Variants in GRIA4 observed in about 807,000 individuals in gnomAD.
GRIA4 encodes glutamate ionotropic receptor AMPA type subunit 4.
A neutral mutation model predicts 104.0 loss-of-function variants in GRIA4; 34 were observed. The observed-to-expected ratio is 0.33, with a 90% CI of 0.25 to 0.44. GRIA4 has a LOEUF of 0.44. GRIA4 is among the 20% of genes least tolerant of loss of function. The pLI is 1.00. For missense variants in GRIA4, 750 were observed against 1,096.5 expected (o/e 0.68, Z 4.46); for synonymous variants, 386 against 381.9 (o/e 1.01, Z -0.13).
rs180779092 is a variant in GRIA4 at position 105,672,924 on chromosome 11, A to G, written c.247+60490A>G. On this transcript the variant is annotated intron_variant, in intron 3 of 16. Coordinates refer to ENST00000282499, the MANE Select transcript of GRIA4 (RefSeq NM_000829.4). ...GTATTCATTTAAAATTTTATTTTTA[A>G]AATTTTATTTTTAGAATATGACACA... is the stretch of plus-strand genomic sequence containing the variant. Among the ~76,000 whole-genome samples the G allele has an allele frequency of 6.9e-3, 1,049 of 152,098 alleles. 4 individuals are homozygous for G. The highest frequency in any genetic ancestry group is 0.013 in the Non-Finnish European group (874 of 67,948).
chr11:105,876,932 A>T (rs1320927042), intron 5 of GRIA4, among the ~76,000 whole-genome samples: 1 of 152,188 alleles, frequency 6.6e-6, no homozygotes, highest in Non-Finnish European at 1.5e-5. Flanking sequence ...TAATATTGTT[A>T]CATGTGAATT....
intron 6 of GRIA4, among the ~76,000 whole-genome samples, chr11:105,888,271 C>T (rs1189149852): frequency 5.1e-4 from 28 of 54,546 alleles, no homozygotes; most frequent in Admixed American, 1.8e-3. Context: ...ATGTTTTCTC[C>T]TTTTTTTTTT....
chr11:105,773,878 A>T (rs1464781563), intron 4 of GRIA4, among the ~76,000 whole-genome samples: 1 of 152,018 alleles, frequency 6.6e-6, no homozygotes, highest in Admixed American at 6.6e-5. Flanking sequence ...AGGGCAAAAA[A>T]AAAAAAAGTA....
intron 3 of GRIA4, among the ~76,000 whole-genome samples, chr11:105,752,260 G>C (rs557097102): frequency 6.6e-6 from 1 of 152,178 alleles, no homozygotes; most frequent in Admixed American, 6.5e-5. Flanking sequence ...ACTTTATTTG[G>C]CTTGCTTCTG....
intron 3 of GRIA4, among the ~76,000 whole-genome samples, chr11:105,745,314 T>G (rs1426178267): frequency 6.6e-6 from 1 of 152,176 alleles, no homozygotes; most frequent in Non-Finnish European, 1.5e-5. Context: ...ACTCTAACCC[T>G]TCTTGGTAGC....
intron 3 of GRIA4, among the ~76,000 whole-genome samples, chr11:105,674,703 T>C (rs759610334): frequency 3.3e-5 from 5 of 151,888 alleles, no homozygotes; most frequent in Non-Finnish European, 7.4e-5. Flanking sequence ...CTACTGGGAA[T>C]TAAAAGTTTG....
chr11:105,765,510 GA>G (rs1565528854), intron 4 of GRIA4, among the ~76,000 whole-genome samples: 2 of 152,182 alleles, frequency 1.3e-5, no homozygotes, highest in Non-Finnish European at 2.9e-5. Flanking sequence ...ATGTGGAACG[GA>G]TGATGCTGAA....
chr11:105,643,696 A>T (rs1445601), intron 3 of GRIA4, among the ~76,000 whole-genome samples: 149,806 of 152,292 alleles, frequency 0.98, 73,726 homozygotes, highest in Middle Eastern at 1. Flanking sequence ...TCAGGTTTTT[A>T]AATTTTTTTT....
At chr11:105,947,017 T>G (rs983582509) in intron 14 of GRIA4, among the ~76,000 whole-genome samples, 1 of 152,220 alleles carries the variant, frequency 6.6e-6, no homozygotes, top group Non-Finnish European at 1.5e-5. Flanking sequence ...ACATTTTTGT[T>G]AGAGGTTATT....
chr11:105,819,277 A>G (rs1237016797), intron 4 of GRIA4, among the ~76,000 whole-genome samples: 1 of 152,136 alleles, frequency 6.6e-6, no homozygotes, highest in Non-Finnish European at 1.5e-5. Flanking sequence ...TCCTGGCTCT[A>G]ACTCTTACTA....
intron 5 of GRIA4, among the ~76,000 whole-genome samples, chr11:105,880,446 C>A (rs1270288075): frequency 6.6e-6 from 1 of 152,186 alleles, no homozygotes; most frequent in Admixed American, 6.5e-5. Flanking sequence ...AGCTGAATTT[C>A]AGCACTTGCT....
At chr11:105,730,076 G>C (rs1251137477) in intron 3 of GRIA4, among the ~76,000 whole-genome samples, 1 of 152,196 alleles carries the variant, frequency 6.6e-6, no homozygotes, top group African/African-American at 2.4e-5. Context: ...AATAGGAAGA[G>C]AGGAAGTCAA....
intron 9 of GRIA4, among the ~76,000 whole-genome samples, chr11:105,907,753 G>A (rs1392124673): frequency 6.6e-6 from 1 of 152,128 alleles, no homozygotes; most frequent in Non-Finnish European, 1.5e-5. Context: ...GAAAATTGAT[G>A]TGCATTTTTA....
At chr11:105,705,203 G>T (rs181493940) in intron 3 of GRIA4, among the ~76,000 whole-genome samples, 93 of 152,090 alleles carry the variant, frequency 6.1e-4, no homozygotes, top group Non-Finnish European at 1.0e-3. Context: ...GGGACAACTG[G>T]TTTACCATTT....
At chr11:105,752,163 A>T (rs1940035684) in intron 3 of GRIA4, among the ~76,000 whole-genome samples, 1 of 152,166 alleles carries the variant, frequency 6.6e-6, no homozygotes, top group Non-Finnish European at 1.5e-5. Context: ...TCTATTTATG[A>T]TGTTGCTTCA....
chr11:105,795,201 T>C (rs746250335), intron 4 of GRIA4, among the ~76,000 whole-genome samples: 1 of 152,150 alleles, frequency 6.6e-6, no homozygotes, highest in Non-Finnish European at 1.5e-5. Context: ...AACTACAGAC[T>C]TCACCAGAAT....
chr11:105,697,282 A>G (rs1953315461), intron 3 of GRIA4, among the ~76,000 whole-genome samples: 1 of 152,188 alleles, frequency 6.6e-6, no homozygotes, highest in Admixed American at 6.5e-5. Context: ...TGAAAGCTAG[A>G]GTCTCTCTCT....
intron 4 of GRIA4, among the ~76,000 whole-genome samples, chr11:105,782,417 A>G (rs921845095): frequency 1.5e-4 from 23 of 152,352 alleles, no homozygotes; most frequent in African/African-American, 5.3e-4. Flanking sequence ...ATAATAATAG[A>G]AAATTACTAA....
At chr11:105,959,039 A>G (rs193160246) in intron 14 of GRIA4, among the ~76,000 whole-genome samples, 1 of 152,212 alleles carries the variant, frequency 6.6e-6, no homozygotes, top group African/African-American at 2.4e-5. Flanking sequence ...GGCTGCCCTG[A>G]ACAGTTTTCC....
Sources: gnomAD v4.1 joint callset for allele counts (sites outside exome capture counted in the v4.1 genomes callset) on GRCh38, gnomAD v4.1.1 for gene constraint, MANE v1.5 for transcripts, NCBI Gene and HGNC (gene_info 2026-07-23, HGNC 2026-07-21) for gene names.